The following MECOM variants were observed in gnomAD, a reference collection of about 807,000 sequenced individuals.
The protein encoded by MECOM is histone-lysine N-methyltransferase MECOM.
In MECOM, 13 loss-of-function variants were observed where a neutral mutation model predicts 116.3. The observed-to-expected ratio is 0.11, with a 90% CI of 0.07 to 0.18. The LOEUF (loss-of-function observed/expected upper bound fraction) is 0.18, where lower values mean the gene tolerates loss of function less well. Among genes scored for constraint, MECOM ranks in the 10% least tolerant of loss-of-function variants. The probability of loss-of-function intolerance (pLI) is 1.00; values close to 1 mark genes in which losing one functional copy is unlikely to be tolerated. For missense variants in MECOM, 1,299 were observed against 1,509.0 expected, an observed-to-expected ratio of 0.86 and a Z score of 2.31; for synonymous variants, 528 against 535.2, an observed-to-expected ratio of 0.99 and a Z score of 0.19.
intron 1 of MECOM, among the ~76,000 whole-genome samples, chr3:169,436,847 A>G (rs1168876569): frequency 1.3e-5 from 2 of 152,110 alleles, no homozygotes; most frequent in Non-Finnish European, 2.9e-5. Context: ...ATAAGTTTTT[A>G]TGTTTTGACT....
At chr3:169,415,760 A>T (rs1324294374) in intron 1 of MECOM, among the ~76,000 whole-genome samples, 1 of 151,750 alleles carries the variant, frequency 6.6e-6, no homozygotes, top group Non-Finnish European at 1.5e-5. Flanking sequence ...ACTTTAAACC[A>T]ACAAATATAA....
At chr3:169,183,245 C>G (rs1746217432) in intron 2 of MECOM, among the ~76,000 whole-genome samples, 1 of 152,134 alleles carries the variant, frequency 6.6e-6, no homozygotes, top group African/African-American at 2.4e-5. Context: ...AATCTGGACT[C>G]CATGGAATGA....
intron 1 of MECOM, among the ~76,000 whole-genome samples, chr3:169,418,913 A>G (rs1330265586): frequency 1.3e-5 from 2 of 152,200 alleles, no homozygotes; most frequent in Non-Finnish European, 2.9e-5. Flanking sequence ...CAGTCAAGAG[A>G]AAGAAACAAA....
At chr3:169,342,030 G>A (rs975275988) in intron 2 of MECOM, among the ~76,000 whole-genome samples, 4 of 151,856 alleles carry the variant, frequency 2.6e-5, no homozygotes, top group African/African-American at 9.7e-5. Flanking sequence ...CAAAACACAA[G>A]AAAGTTTTCA....
chr3:169,335,184 G>A (rs951666499), intron 2 of MECOM, among the ~76,000 whole-genome samples: 7 of 152,200 alleles, frequency 4.6e-5, no homozygotes, highest in Admixed American at 6.6e-5. Context: ...AGTTGGCTAT[G>A]AGACAAAACT....
chr3:169,638,486 C>T (rs1319841193), intron 1 of MECOM, among the ~76,000 whole-genome samples: 2 of 152,166 alleles, frequency 1.3e-5, no homozygotes, highest in Non-Finnish European at 2.9e-5. Flanking sequence ...GACCCTTAGC[C>T]CTCACCTGCT....
Position 169,115,834 on chromosome 3 carries a change from C to T in MECOM, c.2038G>A (p.Gly680Arg). 1.2e-6 allele frequency: 2 copies of T among 1,613,998 alleles called. No individual in the cohort carries two copies. The highest frequency in any genetic ancestry group is 1.7e-6 in the Non-Finnish European group (2 of 1,180,020). The stretch of plus-strand genomic sequence containing the variant: ...GCTCCAACTTTTTTGTCTTGCAGCC[C>T]CACCAGTCCTGTTGAACCAAAGTAT... ...EKYFGSTGLVGLQDKKVGALP... is the reference protein window; with the variant it reads ...EKYFGSTGLVRLQDKKVGALP... Residue 680 changes from glycine to arginine, a missense_variant, in exon 8 of 17, where the codon GGG becomes AGG. Physicochemically the swap from Gly to Arg is moderately radical, Grantham distance 125. This residue lies in a region of MECOM where 340 missense variants were observed against 312.6 expected (regional missense o/e 1.09). Coordinates refer to ENST00000651503, the MANE Select transcript of MECOM (RefSeq NM_004991.4).
chr3:169,100,754 T>C (rs1328180556), intron 12 of MECOM, 131 bp downstream of exon 12: 7 of 353,718 alleles, frequency 2.0e-5, no homozygotes, highest in East Asian at 7.5e-5. Context: ...CAAAATTGAA[T>C]AGACATATAT....
chr3:169,406,838 T>TG (rs1331219410), intron 1 of MECOM, among the ~76,000 whole-genome samples: 1 of 141,338 alleles, frequency 7.1e-6, no homozygotes, highest in Non-Finnish European at 1.5e-5. Context: ...ATTTGGTTAC[T>TG]GTTTTTTTTT....
rs567558847 is a variant in MECOM, at chr3:169,305,862, A to G, written c.375+75325T>C. Among the ~76,000 whole-genome samples, 291 of 151,928 alleles carry G rather than the reference A, an allele frequency of 1.9e-3. 1 individual carries two copies. Among genetic ancestry groups the G allele is most frequent in the South Asian group, 2.5e-3 (12 of 4,804 alleles). On this transcript the variant is annotated intron_variant, in intron 2 of 16. Coordinates refer to ENST00000651503, the MANE Select transcript of MECOM (RefSeq NM_004991.4). ...AAGGTTTTTTTTTTTCCCCTTCCCA[A>G]TGACTTACTTCAACTCAGTTTTTTA...
chr3:169,190,559 C>T (rs1341171202), intron 2 of MECOM, among the ~76,000 whole-genome samples: 3 of 151,978 alleles, frequency 2.0e-5, no homozygotes, highest in Non-Finnish European at 2.9e-5. Context: ...TCTCAAAAAC[C>T]TCATCACAGG....
At position 169,514,639 on chromosome 3, in the gene MECOM, T is replaced by G. The variant is rs192546004; in HGVS notation, c.38-133115A>C. Among the ~76,000 whole-genome samples the G allele has an allele frequency of 1.6e-3, 246 of 152,330 alleles. 1 individual carries two copies. The highest frequency in any genetic ancestry group is 5.6e-3 in the African/African-American group (232 of 41,574). ...TTTCAATTTTAAACAGTGCTAGATT[T>G]GATTGTAAAAATGTCTCTTGCATGC... On this transcript the variant is annotated intron_variant, in intron 1 of 16. Transcript: ENST00000651503.
intron 1 of MECOM, among the ~76,000 whole-genome samples, chr3:169,415,184 C>G (rs991477639): frequency 6.6e-6 from 1 of 152,190 alleles, no homozygotes; most frequent in African/African-American, 2.4e-5. Flanking sequence ...CAGTGGATCT[C>G]TCTGCAGAAA....
chr3:169,234,820 T>C (rs74872969), intron 2 of MECOM, among the ~76,000 whole-genome samples: 1,766 of 152,306 alleles, frequency 0.012, 13 homozygotes, highest in Middle Eastern at 0.051. Flanking sequence ...GCATAGTATA[T>C]TGCTGTTTTT....
At chr3:169,572,894 G>A (rs908260144) in intron 1 of MECOM, among the ~76,000 whole-genome samples, 3 of 152,108 alleles carry the variant, frequency 2.0e-5, no homozygotes, top group Non-Finnish European at 4.4e-5. Flanking sequence ...AGGTTGATGG[G>A]TGCAGCAAAC....
chr3:169,134,047 A>G (rs1450817404), intron 3 of MECOM: 20 of 851,084 alleles, frequency 2.3e-5, no homozygotes, highest in South Asian at 1.0e-4. Flanking sequence ...AATACCCTAC[A>G]AGACAGTAAA....
chr3:169,363,606 A>G (rs988598466), intron 2 of MECOM, among the ~76,000 whole-genome samples: 1 of 151,908 alleles, frequency 6.6e-6, no homozygotes, highest in Non-Finnish European at 1.5e-5. Flanking sequence ...CTCTCTTTTC[A>G]GCAGTAATAG....
chr3:169,600,404 CAG>C (rs1187036336), intron 1 of MECOM, among the ~76,000 whole-genome samples: 6 of 152,094 alleles, frequency 3.9e-5, no homozygotes, highest in African/African-American at 1.4e-4. Flanking sequence ...CTCAAGAAAA[CAG>C]AGTTTAAATA....
At chr3:169,508,287 G>A (rs1755543405) in intron 1 of MECOM, among the ~76,000 whole-genome samples, 1 of 152,060 alleles carries the variant, frequency 6.6e-6, no homozygotes, top group Non-Finnish European at 1.5e-5. Context: ...CACTGAGCAT[G>A]TGCCATTAAT....
Sources: gnomAD v4.1 joint callset for allele counts (sites outside exome capture counted in the v4.1 genomes callset) on GRCh38, gnomAD v4.1.1 for gene constraint, gnomAD v4.1.1 regional missense constraint, MANE v1.5 for transcripts, NCBI Gene and HGNC (gene_info 2026-07-23, HGNC 2026-07-21) for gene names.